NRXN3: variants seen among roughly 807,000 people sequenced by gnomAD.
NRXN3 encodes neurexin III.
Under a neutral mutation model 137.6 loss-of-function variants are expected in NRXN3, and 32 were observed. The ratio of observed to expected loss-of-function variants is 0.23; its 90% CI spans 0.18 to 0.31. NRXN3 has a LOEUF of 0.31. NRXN3 is among the 10% of genes least tolerant of loss of function. The probability of loss-of-function intolerance (pLI) is 1.00; values close to 1 mark genes in which losing one functional copy is unlikely to be tolerated. For synonymous variants in NRXN3, 798 were observed against 784.5 expected (o/e 1.02, Z -0.29); for missense variants, 1,574 against 2,062.5 (o/e 0.76, Z 4.59).
At chr14:78,651,851 G>A (rs1261115398) in intron 6 of NRXN3, among the ~76,000 whole-genome samples, 1 of 152,154 alleles carries the variant, frequency 6.6e-6, no homozygotes, top group East Asian at 1.9e-4. Context: ...CGACATGTGG[G>A]AATTGTGGGA....
intron 8 of NRXN3, among the ~76,000 whole-genome samples, chr14:78,796,121 C>T (rs1418055032): frequency 1.3e-5 from 2 of 152,214 alleles, no homozygotes; most frequent in African/African-American, 4.8e-5. Context: ...ACATTGGGCT[C>T]ACTTCTTTTA....
At chr14:78,419,944 T>TGA (rs1482111980) in intron 4 of NRXN3, among the ~76,000 whole-genome samples, 3 of 17,216 alleles carry the variant, frequency 1.7e-4, no homozygotes, top group Non-Finnish European at 2.4e-4. Flanking sequence ...TGCACGTGTG[T>TGA]GCGCGCGCGC....
At chr14:79,478,059 TG>T (rs1234620155) in intron 16 of NRXN3, among the ~76,000 whole-genome samples, 1 of 151,600 alleles carries the variant, frequency 6.6e-6, no homozygotes, top group African/African-American at 2.4e-5. Context: ...GGGCTAGAGG[TG>T]GGGGCCTAGA....
At chr14:78,174,478 T>C (rs2059070542) in intron 1 of NRXN3, among the ~76,000 whole-genome samples, 1 of 152,188 alleles carries the variant, frequency 6.6e-6, no homozygotes, top group Admixed American at 6.5e-5. Flanking sequence ...GGTCTTGAAA[T>C]TCTTGGTGGC....
At position 78,573,942 on chromosome 14, in the gene NRXN3, A is replaced by C. The variant is rs368815125; in HGVS notation, c.758-71178A>C. Among the ~76,000 whole-genome samples, 10 of 152,284 alleles carry C rather than the reference A, an allele frequency of 6.6e-5. No individual in the cohort carries two copies. The East Asian group carries it at 1.5e-3, about 24-fold the overall frequency. On this transcript the variant is annotated intron_variant, in intron 4 of 20. Transcript: ENST00000335750. ...CAGGACTAGAGGCCAAGGAGGAAAA[A>C]ATGGTTTCATGGATTGGGCCCAGGG...
At chr14:79,262,717 G>A (rs1009783053) in intron 15 of NRXN3, among the ~76,000 whole-genome samples, 15 of 152,222 alleles carry the variant, frequency 9.9e-5, no homozygotes, top group African/African-American at 3.4e-4. Flanking sequence ...AGTCACTCCT[G>A]TAAGTGCTGC....
intron 8 of NRXN3, among the ~76,000 whole-genome samples, chr14:78,716,685 C>T (rs574303103): frequency 4.5e-4 from 69 of 152,238 alleles, no homozygotes; most frequent in African/African-American, 1.6e-3. Flanking sequence ...GTTTTCAAGG[C>T]CTGTTTTTTT....
At chr14:79,715,751 G>T (rs2098821582) in intron 19 of NRXN3, among the ~76,000 whole-genome samples, 1 of 152,200 alleles carries the variant, frequency 6.6e-6, no homozygotes, top group African/African-American at 2.4e-5. Flanking sequence ...TTCTAAGACA[G>T]CAGAAAAGGA....
At chr14:78,225,220 T>C (rs1307997967) in intron 1 of NRXN3, among the ~76,000 whole-genome samples, 1 of 152,186 alleles carries the variant, frequency 6.6e-6, no homozygotes, top group Non-Finnish European at 1.5e-5. Context: ...CCACCAACAG[T>C]GTAAAAGTCT....
chr14:79,158,194 C>A (rs553768894), intron 15 of NRXN3, among the ~76,000 whole-genome samples: 1 of 151,860 alleles, frequency 6.6e-6, no homozygotes, highest in African/African-American at 2.4e-5. Flanking sequence ...AGAAGTATTT[C>A]TTTCTATCTC....
chr14:78,439,125 A>G (rs977742134), intron 4 of NRXN3, among the ~76,000 whole-genome samples: 4 of 152,102 alleles, frequency 2.6e-5, no homozygotes, highest in African/African-American at 9.7e-5. Flanking sequence ...GTTTGTAGGG[A>G]GAGGGAACAC....
chr14:79,831,845 T>C (rs374722169), intron 20 of NRXN3, among the ~76,000 whole-genome samples: 1 of 152,148 alleles, frequency 6.6e-6, no homozygotes, highest in Admixed American at 6.6e-5. Context: ...ATCTACCTTT[T>C]AGTTTGCAGT....
intron 8 of NRXN3, among the ~76,000 whole-genome samples, chr14:78,800,736 C>T (rs1250857586): frequency 2.6e-5 from 4 of 152,068 alleles, no homozygotes; most frequent in Non-Finnish European, 5.9e-5. Flanking sequence ...ATTTTGGGAC[C>T]CTTCAATGTG....
chr14:79,782,521 G>A (rs1396490878), intron 19 of NRXN3, among the ~76,000 whole-genome samples: 1 of 152,194 alleles, frequency 6.6e-6, no homozygotes, highest in Non-Finnish European at 1.5e-5. Flanking sequence ...ATTGGATGGG[G>A]CTAGTATATG....
intron 8 of NRXN3, among the ~76,000 whole-genome samples, chr14:78,741,354 A>G (rs754130036): frequency 2.7e-4 from 41 of 152,338 alleles, no homozygotes; most frequent in Middle Eastern, 6.8e-3. Flanking sequence ...ATGGAAAGGC[A>G]TCAACACTTC....
At chr14:79,082,069 TA>T (rs1397729183) in intron 15 of NRXN3, among the ~76,000 whole-genome samples, 3 of 139,702 alleles carry the variant, frequency 2.1e-5, no homozygotes, top group Non-Finnish European at 4.7e-5. Context: ...GTTTCATACA[TA>T]TATATATACA....
intron 6 of NRXN3, among the ~76,000 whole-genome samples, chr14:78,701,347 C>T (rs1336149647): frequency 6.6e-6 from 1 of 152,194 alleles, no homozygotes; most frequent in Non-Finnish European, 1.5e-5. Context: ...TTAACTTGAG[C>T]ACCGGTAGTA....
intron 4 of NRXN3, among the ~76,000 whole-genome samples, chr14:78,490,551 G>C (rs991138430): frequency 1.3e-5 from 2 of 152,112 alleles, no homozygotes; most frequent in Non-Finnish European, 2.9e-5. Flanking sequence ...GAATGCATCT[G>C]GTGGTGGGGA....
intron 15 of NRXN3, among the ~76,000 whole-genome samples, chr14:79,163,032 T>C (rs962894744): frequency 6.6e-6 from 1 of 151,980 alleles, no homozygotes; most frequent in Non-Finnish European, 1.5e-5. Flanking sequence ...AATTAACTCT[T>C]GAGTCAGCAT....
Sources: gnomAD v4.1 joint callset for allele counts (sites outside exome capture counted in the v4.1 genomes callset) on GRCh38, gnomAD v4.1.1 for gene constraint, MANE v1.5 for transcripts, NCBI Gene and HGNC (gene_info 2026-07-23, HGNC 2026-07-21) for gene names.